GNAL: variants seen among roughly 807,000 people sequenced by gnomAD.
The protein encoded by GNAL is guanine nucleotide-binding protein G(olf) subunit alpha.
Under a neutral mutation model 55.1 loss-of-function variants are expected in GNAL, and 18 were observed. That is an observed-to-expected ratio of 0.33 (90% CI 0.23 to 0.48). The LOEUF is 0.48. GNAL is among the 20% of genes least tolerant of loss of function. GNAL has a pLI of 0.99. For synonymous variants in GNAL, 253 were observed against 237.0 expected (o/e 1.07, Z -0.62); for missense variants, 412 against 614.1 (o/e 0.67, Z 3.48).
intron 5 of GNAL, among the ~76,000 whole-genome samples, chr18:11,854,757 C>T (rs962072487): frequency 6.6e-6 from 1 of 151,226 alleles, no homozygotes; most frequent in African/African-American, 2.4e-5. Flanking sequence ...CTCTAGCCTG[C>T]GCAACAAGGA....
At chr18:11,848,461 CTT>C (rs71172024) in intron 5 of GNAL, among the ~76,000 whole-genome samples, 4 of 142,810 alleles carry the variant, frequency 2.8e-5, no homozygotes, top group Non-Finnish European at 3.1e-5. Context: ...TTTTTCTTTT[CTT>C]TTTTTTTTTT....
chr18:11,824,580 C>T (rs1324863207), intron 4 of GNAL, among the ~76,000 whole-genome samples: 2 of 151,782 alleles, frequency 1.3e-5, no homozygotes, highest in African/African-American at 4.8e-5. Flanking sequence ...CCCAGTTTCT[C>T]GGGAGGCTGA....
At chr18:11,876,562 G>A (rs991292729) in intron 10 of GNAL, 59 bp from the exon 11 acceptor site, 20 of 1,011,458 alleles carry the variant, frequency 2.0e-5, no homozygotes, top group African/African-American at 1.3e-4. Flanking sequence ...CTGTGTTTTC[G>A]TAGAGTTGTA....
intron 1 of GNAL, among the ~76,000 whole-genome samples, chr18:11,750,835 G>A (rs2032801894): frequency 6.6e-6 from 1 of 152,118 alleles, no homozygotes; most frequent in Non-Finnish European, 1.5e-5. Flanking sequence ...GTGTGGTTCA[G>A]GTGGGACAGA....
Position 11,753,867 on chromosome 18 carries a change from GCTGGCCAACCCTGAAAACCAATTT to G in GNAL, c.548_571del (p.Leu183_Phe190del). 6.2e-7 allele frequency: 1 copy of G among 1,608,508 alleles called. No individual in the cohort carries two copies. The highest frequency in any genetic ancestry group is 8.5e-7 in the Non-Finnish European group (1 of 1,175,058). On this transcript the variant is annotated inframe_deletion, in exon 4 of 12. Coordinates refer to ENST00000334049, the MANE Select transcript of GNAL (RefSeq NM_182978.4). ...TGAGTACTATAATACCTCCAGTTCC[GCTGGCCAACCCTGAAAACCAATTT>G]CGATCAGACTACATCAAGAGCATAG...
chr18:11,861,963 T>TACACACAC (rs56087854), intron 5 of GNAL, among the ~76,000 whole-genome samples: 3,928 of 148,106 alleles, frequency 0.027, 90 homozygotes, highest in Admixed American at 0.084. Context: ...CACGCAGTCA[T>TACACACAC]ACACACACAC....
At position 11,699,867 on chromosome 18, in the gene GNAL, T is replaced by C. The variant is rs116965112; in HGVS notation, c.376+9928T>C. Among the ~76,000 whole-genome samples the C allele has an allele frequency of 1.2e-3, 186 of 152,234 alleles. 2 individuals are homozygous for C. The East Asian group carries it at 0.032, about 27-fold the overall frequency. On this transcript the variant is annotated intron_variant, in intron 1 of 11. Coordinates refer to ENST00000334049, the MANE Select transcript of GNAL (RefSeq NM_182978.4). The stretch of plus-strand genomic sequence containing the variant: ...CAGCGCTGTGGACTCTGGGTGACAG[T>C]CATGCGTCAGGGTAGCTTCATGGAT...
chr18:11,853,062 G>C (rs1422471640), intron 5 of GNAL: 1 of 167,096 alleles, frequency 6.0e-6, no homozygotes, highest in Non-Finnish European at 1.5e-5. Context: ...CTAGGACTGT[G>C]TGTGTGTAGG....
chr18:11,822,939 G>A (rs1348025331), intron 4 of GNAL, among the ~76,000 whole-genome samples: 1 of 150,968 alleles, frequency 6.6e-6, no homozygotes, highest in Non-Finnish European at 1.5e-5. Flanking sequence ...ATAAAATCTG[G>A]TGTCTGTGGT....
intron 4 of GNAL, among the ~76,000 whole-genome samples, chr18:11,814,264 C>T (rs551974238): frequency 1.5e-4 from 23 of 152,302 alleles, no homozygotes; most frequent in African/African-American, 5.5e-4. Flanking sequence ...GTGGCTCATG[C>T]CTGGAATCCC....
chr18:11,834,457 C>T (rs186670314), intron 5 of GNAL, among the ~76,000 whole-genome samples: 22 of 152,198 alleles, frequency 1.4e-4, no homozygotes, highest in South Asian at 4.1e-4. Context: ...CAGTGGCTCA[C>T]GCCTGTAATT....
Position 11,689,821 on chromosome 18 carries a change from C to G in GNAL, c.258C>G (p.Arg86=). 1.3e-6 allele frequency: 2 copies of G among 1,537,074 alleles called. No homozygotes were observed. The highest frequency in any genetic ancestry group is 1.7e-6 in the Non-Finnish European group (2 of 1,144,734). Residue 86 remains arginine (R), a synonymous_variant, in exon 1 of 12, where the codon CGC becomes CGG. Coordinates refer to ENST00000334049, the MANE Select transcript of GNAL (RefSeq NM_182978.4). ...QRTEQLSAEE[R]EAAKEREAVK... is the part of the protein sequence containing the mutation. ...CCGAGCAGCTGAGTGCCGAGGAGCG[C>G]GAGGCGGCCAAGGAGCGCGAGGCGG... is the stretch of plus-strand genomic sequence containing the variant.
chr18:11,851,942 C>A (rs1407372558), intron 5 of GNAL: 1 of 1,613,866 alleles, frequency 6.2e-7, no homozygotes, highest in Non-Finnish European at 8.5e-7. Flanking sequence ...ACGCTCACCA[C>A]TCCCCAGAAC....
intron 5 of GNAL, among the ~76,000 whole-genome samples, chr18:11,844,264 T>C (rs1198394485): frequency 2.0e-5 from 3 of 151,942 alleles, no homozygotes; most frequent in African/African-American, 7.3e-5. Flanking sequence ...TGAAACCCTG[T>C]CTCTACTAAA....
intron 4 of GNAL, among the ~76,000 whole-genome samples, chr18:11,815,924 C>T (rs904582559): frequency 3.9e-5 from 6 of 152,036 alleles, no homozygotes; most frequent in Non-Finnish European, 5.9e-5. Flanking sequence ...AAAACCACAA[C>T]GAGATACCAC....
Position 11,881,064 on chromosome 18 carries a change from A to G in GNAL, c.1306A>G (p.Ile436Val). 1 of 1,613,978 alleles carries G rather than the reference A, an allele frequency of 6.2e-7. No individual in the cohort carries two copies. The highest frequency in any genetic ancestry group is 8.5e-7 in the Non-Finnish European group (1 of 1,179,920). The change falls in exon 12 of 12, where the codon ATC becomes GTC. Residue 436 changes from isoleucine to valine, a missense_variant. By Grantham distance (29) the Ile-to-Val change is conservative. Coordinates refer to ENST00000334049, the MANE Select transcript of GNAL (RefSeq NM_182978.4). The surrounding 1 kb of genome is among the most constrained non-coding windows in gnomAD (Gnocchi z 4.8). ...CACCTGCGCCGTGGACACAGAGAAC[A>G]TCCGCAGGGTGTTCAACGACTGCCG... ...HFTCAVDTEN[I>V]RRVFNDCRDI...
intron 4 of GNAL, among the ~76,000 whole-genome samples, chr18:11,768,907 A>ATATAT (rs1373176499): frequency 9.1e-6 from 1 of 109,506 alleles, no homozygotes; most frequent in African/African-American, 4.9e-5. Context: ...AAAAAAAAAA[A>ATATAT]ATATATATAT....
intron 4 of GNAL, among the ~76,000 whole-genome samples, chr18:11,792,842 C>G (rs997493065): frequency 1.1e-4 from 16 of 152,166 alleles, no homozygotes; most frequent in African/African-American, 3.6e-4. Context: ...GATGCAACTT[C>G]CATATGACAG....
intron 1 of GNAL, among the ~76,000 whole-genome samples, chr18:11,737,719 C>A (rs987325624): frequency 1.3e-5 from 2 of 152,248 alleles, no homozygotes; most frequent in Non-Finnish European, 2.9e-5. Flanking sequence ...AATCCGGATG[C>A]CTCTGCTCTC....
Sources: gnomAD v4.1 joint callset for allele counts (sites outside exome capture counted in the v4.1 genomes callset) on GRCh38, gnomAD v4.1.1 for gene constraint, Gnocchi (gnomAD v3.1) non-coding constraint, MANE v1.5 for transcripts, NCBI Gene and HGNC (gene_info 2026-07-23, HGNC 2026-07-21) for gene names.